The following PAAF1 variants were observed in gnomAD, a reference collection of about 807,000 sequenced individuals.
PAAF1 encodes proteasomal ATPase-associated factor 1.
In PAAF1, 46 loss-of-function variants were observed where a neutral mutation model predicts 52.8. That is an observed-to-expected ratio of 0.87 (90% CI 0.69 to 1.11). The LOEUF (loss-of-function observed/expected upper bound fraction) is 1.11, where lower values mean the gene tolerates loss of function less well. Ranked by LOEUF, PAAF1 falls within the 50% of genes most tolerant of loss-of-function variation. PAAF1 has a pLI of 0.00. For missense variants in PAAF1, 424 were observed against 477.4 expected (o/e 0.89, Z 1.04); for synonymous variants, 178 against 172.8 (o/e 1.03, Z -0.24).
chr11:73,899,259 T>C lies in PAAF1; in HGVS notation c.381+15T>C. 6.2e-7 allele frequency: 1 copy of C among 1,606,674 alleles called. No individual in the cohort carries two copies. Among genetic ancestry groups the C allele is most frequent in the Non-Finnish European group, 8.5e-7 (1 of 1,173,484 alleles). Reference sequence around the variant, plus strand: ...GAGAACTCAGGGTAAAGGATTTGGATGTACTTTTAGGTCTTAAACACAAAG... The same window carrying C: ...GAGAACTCAGGGTAAAGGATTTGGACGTACTTTTAGGTCTTAAACACAAAG... On this transcript the variant is annotated intron_variant, in intron 5 of 11. Transcript: ENST00000310571.
chr11:73,878,634 T>C (rs1243348423), intron 1 of PAAF1, 145 bp from the exon 2 acceptor site: 1 of 602,456 alleles, frequency 1.7e-6, no homozygotes, highest in African/African-American at 1.8e-5. Flanking sequence ...CTTAGAATGA[T>C]CTATACTCGA....
At chr11:73,922,949 C>T (rs960025935) in intron 10 of PAAF1, among the ~76,000 whole-genome samples, 1 of 152,008 alleles carries the variant, frequency 6.6e-6, no homozygotes, top group Non-Finnish European at 1.5e-5. Context: ...ATGCAAATTG[C>T]CAAACATATC....
At chr11:73,916,837 T>C (rs546833184) in intron 9 of PAAF1, among the ~76,000 whole-genome samples, 177 bp downstream of exon 9, 2 of 152,228 alleles carry the variant, frequency 1.3e-5, no homozygotes, top group Non-Finnish European at 2.9e-5. Context: ...TGGACTCATA[T>C]TAAAATATAT....
At chr11:73,909,705 T>C in intron 7 of PAAF1, 112 bp downstream of exon 7, 1 of 928,516 alleles carries the variant, frequency 1.1e-6, no homozygotes, top group Non-Finnish European at 1.6e-6. Flanking sequence ...CTGGTATTTC[T>C]GTTTTCACCA....
Position 73,885,005 on chromosome 11 carries a change from G to A in PAAF1, c.89-2349G>A, listed in dbSNP as rs1175020513. Among the ~76,000 whole-genome samples, 74 of 149,316 alleles carry A rather than the reference G, an allele frequency of 5.0e-4. 1 individual carries two copies. The highest frequency in any genetic ancestry group is 1.8e-3 in the African/African-American group (72 of 40,748). On this transcript the variant is annotated intron_variant, in intron 2 of 11. Transcript: ENST00000310571. ...CTCCCAAGTAGCTGGGACTACAGGC[G>A]CCCGCCACTACGCCCGGCTAATTTT...
chr11:73,891,032 A>G (rs1949185442), intron 3 of PAAF1, 80 bp from the exon 4 acceptor site: 1 of 835,778 alleles, frequency 1.2e-6, no homozygotes, highest in African/African-American at 1.7e-5. Flanking sequence ...CTGTAGTCCT[A>G]ATGTTTTCTT....
chr11:73,885,073 A>G (rs1949024092), intron 2 of PAAF1, among the ~76,000 whole-genome samples: 1 of 150,772 alleles, frequency 6.6e-6, no homozygotes, highest in African/African-American at 2.4e-5. Context: ...TTTAGCCGGG[A>G]TGGTCTCGAT....
intron 6 of PAAF1, 149 bp downstream of exon 6, chr11:73,900,569 G>A: frequency 1.1e-6 from 1 of 901,992 alleles, no homozygotes; most frequent in Non-Finnish European, 1.6e-6. Context: ...CTAAGGACCA[G>A]AAATTCCTTT....
At chr11:73,876,847 A>T, upstream of PAAF1, 1 of 627,914 alleles carries the variant, frequency 1.6e-6, no homozygotes, top group Non-Finnish European at 2.5e-6. Context: ...ACATCCTTTC[A>T]GGAACCAGCC....
chr11:73,911,448 G>A (rs72982946), intron 7 of PAAF1, among the ~76,000 whole-genome samples: 12,646 of 151,732 alleles, frequency 0.083, 689 homozygotes, highest in Admixed American at 0.11. Context: ...CTCCCAAAGT[G>A]CTAGGATTAC....
At chr11:73,882,302 G>A (rs1189781464) in intron 2 of PAAF1, among the ~76,000 whole-genome samples, 1 of 145,406 alleles carries the variant, frequency 6.9e-6, no homozygotes, top group Non-Finnish European at 1.5e-5. Flanking sequence ...GTGAGGCACC[G>A]TGCCTGCACT....
rs375131054 is a variant in PAAF1 at position 73,926,514 on chromosome 11, C to T, written c.1102-771C>T. Reference sequence around the variant, plus strand: ...CACGAGGTCAGGAGATTGAGACCATCCTGGCCAACACGGTGAAACCCTGTC... The same window carrying T: ...CACGAGGTCAGGAGATTGAGACCATTCTGGCCAACACGGTGAAACCCTGTC... On this transcript the variant is annotated intron_variant, in intron 11 of 11. Coordinates refer to ENST00000310571, the MANE Select transcript of PAAF1 (RefSeq NM_025155.3). 2.6e-3 allele frequency among the ~76,000 whole-genome samples: 400 copies of T among 152,262 alleles called. 1 individual carries two copies. The South Asian group carries it at 0.029, about 11-fold the overall frequency.
chr11:73,912,389 T>C (rs1949957184), intron 7 of PAAF1, among the ~76,000 whole-genome samples: 1 of 152,180 alleles, frequency 6.6e-6, no homozygotes, highest in African/African-American at 2.4e-5. Flanking sequence ...CACCGCTATC[T>C]ACCCATTTGC....
chr11:73,926,413 A>T lies in PAAF1; in HGVS notation c.1102-872A>T, dbSNP rs191591661. 5.0e-3 allele frequency among the ~76,000 whole-genome samples: 761 copies of T among 150,936 alleles called. 9 individuals are homozygous for T. Among genetic ancestry groups the T allele is most frequent in the African/African-American group, 0.017 (693 of 41,246 alleles). On this transcript the variant is annotated intron_variant, in intron 11 of 11. Coordinates refer to ENST00000310571, the MANE Select transcript of PAAF1 (RefSeq NM_025155.3). The stretch of plus-strand genomic sequence containing the variant: ...GCGCCCAGCCATCTATTTCATTTTT[A>T]AAAATTCTTGCGTAGTGTTCCGGCC...
At chr11:73,882,998 C>T (rs1055952154) in intron 2 of PAAF1, among the ~76,000 whole-genome samples, 1 of 152,106 alleles carries the variant, frequency 6.6e-6, no homozygotes, top group African/African-American at 2.4e-5. Flanking sequence ...CTCCTGGGTT[C>T]AAGAGATCCT....
At chr11:73,923,616 A>G (rs1950284374) in intron 10 of PAAF1, among the ~76,000 whole-genome samples, 1 of 151,898 alleles carries the variant, frequency 6.6e-6, no homozygotes, top group African/African-American at 2.4e-5. Flanking sequence ...GCTCACTGCA[A>G]CCTCTGCTTC....
chr11:73,895,133 A>T (rs1949310211), intron 4 of PAAF1, among the ~76,000 whole-genome samples: 1 of 152,188 alleles, frequency 6.6e-6, no homozygotes, highest in African/African-American at 2.4e-5. Flanking sequence ...GCCCTTATAG[A>T]TCTTACATGC....
intron 11 of PAAF1, among the ~76,000 whole-genome samples, chr11:73,926,641 G>A (rs545518872): frequency 1.3e-5 from 2 of 152,214 alleles, no homozygotes; most frequent in East Asian, 3.9e-4. Context: ...CCCGGGAGGC[G>A]GAGCTTGCAG....
intron 3 of PAAF1, among the ~76,000 whole-genome samples, chr11:73,890,196 A>G (rs1298018659): frequency 2.0e-5 from 3 of 152,184 alleles, no homozygotes; most frequent in Admixed American, 6.5e-5. Context: ...TAGTATTGGT[A>G]TTATGCTGGT....
Sources: gnomAD v4.1 joint callset for allele counts (sites outside exome capture counted in the v4.1 genomes callset) on GRCh38, gnomAD v4.1.1 for gene constraint, MANE v1.5 for transcripts, NCBI Gene and HGNC (gene_info 2026-07-23, HGNC 2026-07-21) for gene names.